The following ZGRF1 variants were observed in gnomAD, a reference collection of about 807,000 sequenced individuals.
ZGRF1 encodes 5'-3' DNA helicase ZGRF1.
ZGRF1 carries 196 observed loss-of-function variants against 203.5 expected under a neutral mutation model. The ratio of observed to expected loss-of-function variants is 0.96; its 90% CI spans 0.86 to 1.08. The LOEUF is 1.08. ZGRF1 is among the 50% of genes least tolerant of loss of function. The pLI, the probability that ZGRF1 is intolerant of heterozygous loss-of-function variation, is 0.00. For missense variants in ZGRF1, 2,326 were observed against 2,416.3 expected (o/e 0.96, Z 0.78); for synonymous variants, 809 against 841.3 (o/e 0.96, Z 0.66).
At chr4:112,571,725 T>G (rs573220036) in intron 16 of ZGRF1, among the ~76,000 whole-genome samples, 19 of 152,260 alleles carry the variant, frequency 1.2e-4, no homozygotes, top group African/African-American at 4.6e-4. Flanking sequence ...CTTCTCAACT[T>G]TATAGGTACA....
intron 26 of ZGRF1, among the ~76,000 whole-genome samples, chr4:112,540,498 A>G (rs144896084): frequency 1.3e-5 from 2 of 152,346 alleles, no homozygotes; most frequent in Admixed American, 1.3e-4. Context: ...TACCAATAAT[A>G]AAAGAACATT....
chr4:112,586,308 G>T, intron 13 of ZGRF1, 137 bp downstream of exon 13: 1 of 602,820 alleles, frequency 1.7e-6, no homozygotes. Flanking sequence ...TAGAATAAAA[G>T]TTACTGTCAA....
Position 112,587,887 on chromosome 4 carries a change from C to T in ZGRF1, c.3170G>A (p.Arg1057Lys), listed in dbSNP as rs1342512245. The T allele has an allele frequency of 6.5e-7, 1 of 1,545,132 alleles. No individual in the cohort carries two copies. Among genetic ancestry groups the T allele is most frequent in the African/African-American group, 1.4e-5 (1 of 72,714 alleles). Residue 1057 changes from arginine to lysine, a missense_variant, in exon 12 of 28, where the codon AGG (arginine) becomes AAG (lysine). Transcript: ENST00000505019. ...SRSLENENLQ[R>K]LSLLSRTQVP... ...CTGGGTTCTACTTAATAATGAAAGCCTTTGAAGGTTCTCATTCTCCAGAGA... is the reference window on the plus strand; with the variant it reads ...CTGGGTTCTACTTAATAATGAAAGCTTTTGAAGGTTCTCATTCTCCAGAGA...
At chr4:112,565,427 TC>T in intron 16 of ZGRF1, 1 of 561,520 alleles carries the variant, frequency 1.8e-6, no homozygotes. Context: ...AACATTTCAT[TC>T]TCAAAAAAAA....
At chr4:112,596,779 G>T (rs995904060) in intron 10 of ZGRF1, among the ~76,000 whole-genome samples, 1 of 151,922 alleles carries the variant, frequency 6.6e-6, no homozygotes, top group Non-Finnish European at 1.5e-5. Flanking sequence ...TTTGTGTAGA[G>T]ACAGGGTTTT....
At chr4:112,627,511 C>T (rs978137137) in intron 3 of ZGRF1, among the ~76,000 whole-genome samples, 8 of 152,064 alleles carry the variant, frequency 5.3e-5, no homozygotes, top group East Asian at 1.9e-4. Context: ...GAGGCCGAGG[C>T]GGGTGGATCA....
At chr4:112,611,446 T>C (rs1229460909) in intron 7 of ZGRF1, among the ~76,000 whole-genome samples, 2 of 152,128 alleles carry the variant, frequency 1.3e-5, no homozygotes, top group African/African-American at 4.8e-5. Flanking sequence ...AGTGAAACAT[T>C]CTACTTTCTT....
chr4:112,636,476 A>T (rs2047644419), intron 1 of ZGRF1, among the ~76,000 whole-genome samples: 1 of 152,176 alleles, frequency 6.6e-6, no homozygotes, highest in African/African-American at 2.4e-5. Context: ...TGGAATCATG[A>T]ACTCAACATT....
intron 7 of ZGRF1, among the ~76,000 whole-genome samples, chr4:112,611,402 CA>C (rs1267548443): frequency 6.6e-6 from 1 of 152,050 alleles, no homozygotes; most frequent in African/African-American, 2.4e-5. Flanking sequence ...GACTCCATCT[CA>C]AAATAAATAA....
chr4:112,566,535 A>C (rs545602669), intron 16 of ZGRF1, among the ~76,000 whole-genome samples: 1 of 152,088 alleles, frequency 6.6e-6, no homozygotes, highest in South Asian at 2.1e-4. Context: ...TAAATTTTTT[A>C]CTTACTGAAT....
chr4:112,559,477 GGT>G (rs1385603572), intron 19 of ZGRF1, among the ~76,000 whole-genome samples: 2 of 152,210 alleles, frequency 1.3e-5, no homozygotes, highest in Non-Finnish European at 2.9e-5. Context: ...TGGGATTACA[GGT>G]GTGAGGCCAA....
intron 24 of ZGRF1, among the ~76,000 whole-genome samples, chr4:112,544,700 T>C (rs1159433684): frequency 2.0e-5 from 3 of 152,194 alleles, no homozygotes; most frequent in Non-Finnish European, 4.4e-5. Context: ...TATACAAACA[T>C]AGTGTTTATA....
At position 112,633,222 on chromosome 4, in the gene ZGRF1, A is replaced by T. The variant is rs1261593479; in HGVS notation, c.-46T>A. 2.0e-6 allele frequency: 3 copies of T among 1,498,044 alleles called. No individual in the cohort carries two copies. The highest frequency in any genetic ancestry group is 2.8e-6 in the Non-Finnish European group (3 of 1,080,376). The allele number at this position is 1,498,044 out of a possible 1,614,324, so 92.8% of individuals were successfully genotyped here. A position where few individuals can be genotyped will look rare whatever the true frequency, so the allele number is the denominator to read the frequency against. On this transcript the variant is annotated 5_prime_UTR_variant, in exon 2 of 28. Transcript: ENST00000505019. ...ACCAGCTGGGTCCAGAAAATAGGAA[A>T]TATTCAACTATTTATACCACCTAAA...
intron 10 of ZGRF1, among the ~76,000 whole-genome samples, chr4:112,592,888 A>T (rs1251880598): frequency 6.6e-6 from 1 of 152,224 alleles, no homozygotes; most frequent in East Asian, 1.9e-4. Context: ...GGGTTAAATG[A>T]GGTCATAAGA....
intron 3 of ZGRF1, among the ~76,000 whole-genome samples, chr4:112,625,824 G>C (rs1322841548): frequency 2.6e-5 from 4 of 151,472 alleles, no homozygotes; most frequent in Admixed American, 2.6e-4. Context: ...GAACTGGGGA[G>C]GTGGATGTTT....
intron 1 of ZGRF1, among the ~76,000 whole-genome samples, chr4:112,634,010 G>A (rs2047496568): frequency 6.6e-6 from 1 of 152,100 alleles, no homozygotes; most frequent in Non-Finnish European, 1.5e-5. Flanking sequence ...TCAAGTTTGA[G>A]AATACAGATC....
At position 112,539,635 on chromosome 4, in the gene ZGRF1, A is replaced by C. The variant is rs1737138281; in HGVS notation, c.6227T>G (p.Leu2076Arg). The C allele has an allele frequency of 6.2e-7, 1 of 1,605,042 alleles. No individual in the cohort carries two copies. The highest frequency in any genetic ancestry group is 1.3e-5 in the African/African-American group (1 of 74,752). Residue 2076 changes from leucine to arginine, a missense_variant, in exon 28 of 28, where the codon CTC becomes CGC. Leu to Arg is a moderately radical substitution (Grantham distance 102, BLOSUM62 -2). Transcript: ENST00000505019. ...ANQYEPQLNH[L>R]LKDYFEKQVE... is the part of the protein sequence containing the mutation. ...TTGTTTTTCAAAATAATCTTTAAGG[A>C]GATGGTTCAGCTGTGGTTCATACTG... is the stretch of plus-strand genomic sequence containing the variant.
intron 16 of ZGRF1, among the ~76,000 whole-genome samples, chr4:112,566,620 T>C (rs1004072591): frequency 6.6e-6 from 1 of 152,150 alleles, no homozygotes; most frequent in African/African-American, 2.4e-5. Context: ...ATATAGGGGA[T>C]TCCTGATTCT....
chr4:112,568,563 C>G (rs1242332923), intron 16 of ZGRF1, among the ~76,000 whole-genome samples: 1 of 151,126 alleles, frequency 6.6e-6, no homozygotes, highest in Non-Finnish European at 1.5e-5. Flanking sequence ...ATAAAAAAAA[C>G]TAGCCAGGCA....
Sources: allele counts gnomAD v4.1 joint callset (sites outside exome capture counted in the v4.1 genomes callset), GRCh38; gene constraint gnomAD v4.1.1; transcripts MANE v1.5; gene names NCBI Gene and HGNC (gene_info 2026-07-23, HGNC 2026-07-21).